Variants in VPS13B observed in about 807,000 individuals in gnomAD.
The protein encoded by VPS13B is vacuolar protein sorting 13 homolog B, also known as intermembrane lipid transfer protein VPS13B.
Under a neutral mutation model 426.4 loss-of-function variants are expected in VPS13B, and 285 were observed. The ratio of observed to expected loss-of-function variants is 0.67; its 90% confidence interval spans 0.61 to 0.74. The LOEUF is 0.74. Among genes scored for constraint, VPS13B ranks in the 30% least tolerant of loss-of-function variants. The pLI is 0.00. For missense variants in VPS13B, 4,537 were observed against 4,782.6 expected, an observed-to-expected ratio of 0.95 and a Z score of 1.51; for synonymous variants, 1,676 against 1,676.4, an observed-to-expected ratio of 1.00 and a Z score of 0.01.
chr8:99,612,429 G>T (rs1402980408), intron 33 of VPS13B, among the ~76,000 whole-genome samples: 1 of 152,124 alleles, frequency 6.6e-6, no homozygotes, highest in Non-Finnish European at 1.5e-5. Flanking sequence ...CCAGCCATGT[G>T]GTCCTTACTA....
intron 35 of VPS13B, among the ~76,000 whole-genome samples, chr8:99,692,087 A>C (rs1235519096): frequency 7.7e-4 from 111 of 144,748 alleles, no homozygotes; most frequent in African/African-American, 2.7e-3. Context: ...CCCACACATT[A>C]ATAATGGGAG....
At chr8:99,469,751 TA>T (rs1819301635) in intron 24 of VPS13B, among the ~76,000 whole-genome samples, 1 of 152,166 alleles carries the variant, frequency 6.6e-6, no homozygotes, top group Non-Finnish European at 1.5e-5. Context: ...CTTATTTGGT[TA>T]TAGGTTTGTA....
At chr8:99,093,559 G>T (rs959166040) in intron 3 of VPS13B, among the ~76,000 whole-genome samples, 3 of 134,584 alleles carry the variant, frequency 2.2e-5, no homozygotes, top group African/African-American at 8.5e-5. Context: ...TCCCCAGAGT[G>T]CGATGTTCCC....
intron 22 of VPS13B, among the ~76,000 whole-genome samples, chr8:99,432,332 A>G (rs1817157226): frequency 6.6e-6 from 1 of 152,100 alleles, no homozygotes; most frequent in Admixed American, 6.6e-5. Flanking sequence ...CTTAAGTCAA[A>G]GCTTTTCACC....
At chr8:99,112,795 G>A (rs1847434551) in intron 6 of VPS13B, among the ~76,000 whole-genome samples, 1 of 152,068 alleles carries the variant, frequency 6.6e-6, no homozygotes, top group Non-Finnish European at 1.5e-5. Flanking sequence ...CTAGGATGTG[G>A]TTATATTAGA....
chr8:99,539,456 T>C (rs1393609921), intron 30 of VPS13B, among the ~76,000 whole-genome samples: 1 of 152,190 alleles, frequency 6.6e-6, no homozygotes, highest in East Asian at 1.9e-4. Context: ...TGATACATAA[T>C]AAAAATTAGG....
chr8:99,313,082 A>C (rs1001762143), intron 19 of VPS13B, among the ~76,000 whole-genome samples: 14 of 151,994 alleles, frequency 9.2e-5, no homozygotes, highest in Non-Finnish European at 1.9e-4. Context: ...ATCTTTTTTC[A>C]AGGTTTTCAG....
chr8:99,819,712 A>G, intron 48 of VPS13B, 130 bp downstream of exon 48: 1 of 1,240,376 alleles, frequency 8.1e-7, no homozygotes, highest in Non-Finnish European at 1.1e-6. Flanking sequence ...ATCATCTAGT[A>G]GGTGTATTTT....
intron 44 of VPS13B, among the ~76,000 whole-genome samples, chr8:99,811,351 T>C (rs1813689315): frequency 6.6e-6 from 1 of 152,200 alleles, no homozygotes; most frequent in African/African-American, 2.4e-5. Flanking sequence ...TTATAGCCCT[T>C]CAAAAACATA....
intron 30 of VPS13B, among the ~76,000 whole-genome samples, chr8:99,530,769 G>A (rs1822891869): frequency 1.3e-5 from 2 of 152,076 alleles, no homozygotes; most frequent in African/African-American, 4.8e-5. Context: ...CATGAGTCAG[G>A]TATTATGATT....
intron 17 of VPS13B, chr8:99,209,855 A>C (rs1814971215): frequency 1.8e-6 from 1 of 568,548 alleles, no homozygotes; most frequent in Non-Finnish European, 2.2e-6. Flanking sequence ...CTTCAGTTAC[A>C]GAACTTAAAG....
chr8:99,234,108 CG>C (rs1005520329), intron 17 of VPS13B: 11 of 784,704 alleles, frequency 1.4e-5, no homozygotes, highest in Non-Finnish European at 2.4e-5. Context: ...ACCTTGCTCC[CG>C]GAAGAGTGGT....
intron 15 of VPS13B, among the ~76,000 whole-genome samples, chr8:99,166,624 C>T (rs1199098915): frequency 1.3e-5 from 2 of 152,178 alleles, no homozygotes; most frequent in Non-Finnish European, 2.9e-5. Context: ...AATTGGAAGA[C>T]TTAATATTGT....
At chr8:99,435,128 A>T (rs2133421243) in intron 22 of VPS13B, among the ~76,000 whole-genome samples, 1 of 152,308 alleles carries the variant, frequency 6.6e-6, no homozygotes, top group Middle Eastern at 3.4e-3. Context: ...TAGGGCATGT[A>T]CTTCCTGGTT....
At chr8:99,098,312 G>T (rs1013952985) in intron 4 of VPS13B, among the ~76,000 whole-genome samples, 1 of 152,138 alleles carries the variant, frequency 6.6e-6, no homozygotes, top group East Asian at 1.9e-4. Context: ...ACATTGTGGT[G>T]TACAACCTTT....
At chr8:99,086,741 G>A (rs1845830331) in intron 3 of VPS13B, among the ~76,000 whole-genome samples, 1 of 152,210 alleles carries the variant, frequency 6.6e-6, no homozygotes, top group Non-Finnish European at 1.5e-5. Context: ...CTGTTTGCCT[G>A]GGTATCAGCA....
intron 14 of VPS13B, among the ~76,000 whole-genome samples, chr8:99,150,755 TG>T (rs1563569714): frequency 6.6e-6 from 1 of 152,242 alleles, no homozygotes; most frequent in Admixed American, 6.5e-5. Context: ...CCATTACAGA[TG>T]TACCACAATT....
chr8:99,108,868 T>C (rs1314588565), intron 5 of VPS13B, among the ~76,000 whole-genome samples: 1 of 152,118 alleles, frequency 6.6e-6, no homozygotes. Flanking sequence ...TTGCTTTGGA[T>C]AGTATGGAAA....
Position 99,875,658 on chromosome 8 carries a change from T to C in VPS13B, c.11986T>C (p.Phe3996Leu). The change falls in exon 62 of 62, where the codon TTT (phenylalanine) becomes CTT (leucine). Residue 3996 changes from phenylalanine to leucine, a missense_variant. Physicochemically the swap from Phe to Leu is conservative, Grantham distance 22. Coordinates refer to ENST00000357162, the MANE Select transcript of VPS13B (RefSeq NM_152564.5). ...GAAAAATAAAGCCCTGAGGAAAGGGTTTCCTTGAGTCCCCTCTGAGGTGTT... is the reference window on the plus strand; with the variant it reads ...GAAAAATAAAGCCCTGAGGAAAGGGCTTCCTTGAGTCCCCTCTGAGGTGTT... ...MVKNKALRKG[F>L]P 6.2e-7 allele frequency: 1 copy of C among 1,614,124 alleles called. No individual in the cohort carries two copies. The highest frequency in any genetic ancestry group is 8.5e-7 in the Non-Finnish European group (1 of 1,180,028).
Sources: allele counts gnomAD v4.1 joint callset (sites outside exome capture counted in the v4.1 genomes callset), GRCh38; gene constraint gnomAD v4.1.1; transcripts MANE v1.5; gene names NCBI Gene and HGNC (gene_info 2026-07-23, HGNC 2026-07-21).